TRPM3: variants seen among roughly 807,000 people sequenced by gnomAD.
TRPM3 encodes long transient receptor potential channel 3.
TRPM3 carries 77 observed loss-of-function variants against 181.2 expected under a neutral mutation model. That is an observed-to-expected ratio of 0.42 (90% CI 0.35 to 0.51). The LOEUF (loss-of-function observed/expected upper bound fraction) is 0.51. Ranked by LOEUF, TRPM3 falls within the 20% of genes least tolerant of loss-of-function variation. The probability of loss-of-function intolerance (pLI) is 0.01; values close to 1 mark genes in which losing one functional copy is unlikely to be tolerated. For synonymous variants in TRPM3, 745 were observed against 796.4 expected, an observed-to-expected ratio of 0.94 and a Z score of 1.09; for missense variants, 1,759 against 2,196.7, an observed-to-expected ratio of 0.80 and a Z score of 3.98.
chr9:70,680,102 G>C (rs1213521233), intron 9 of TRPM3, among the ~76,000 whole-genome samples: 1 of 152,206 alleles, frequency 6.6e-6, no homozygotes, highest in South Asian at 2.1e-4. Flanking sequence ...TACACTTGGA[G>C]AGTGGGTGAA....
chr9:71,354,834 ATC>A (rs1171744113), intron 1 of TRPM3, among the ~76,000 whole-genome samples: 4 of 152,212 alleles, frequency 2.6e-5, no homozygotes, highest in African/African-American at 9.6e-5. Context: ...CTTACAACAA[ATC>A]TGTTTCACTT....
intron 22 of TRPM3, chr9:70,579,422 C>A (rs59333800): frequency 6.6e-6 from 1 of 152,232 alleles, no homozygotes; most frequent in African/African-American, 2.4e-5. Flanking sequence ...CTTAACCTCA[C>A]GAGTAGCTGT....
chr9:70,964,064 T>A (rs548223938), intron 1 of TRPM3, among the ~76,000 whole-genome samples: 12 of 152,198 alleles, frequency 7.9e-5, no homozygotes, highest in South Asian at 6.2e-4. Flanking sequence ...ATTTAATGAG[T>A]GATTTCTCAA....
intron 1 of TRPM3, among the ~76,000 whole-genome samples, chr9:71,240,197 T>G (rs2131961003): frequency 6.6e-6 from 1 of 152,324 alleles, no homozygotes; most frequent in East Asian, 1.9e-4. Flanking sequence ...TTTGCACCCA[T>G]GCCAGATTCT....
chr9:71,425,614 C>A (rs1407815939), intron 1 of TRPM3, among the ~76,000 whole-genome samples: 1 of 152,112 alleles, frequency 6.6e-6, no homozygotes, highest in Non-Finnish European at 1.5e-5. Flanking sequence ...TTTTCCCCCA[C>A]AATAACCTCT....
rs542836045 is a variant in TRPM3, at chr9:71,387,015, G to GATGGT, written c.183+59633_183+59637dup. Among the ~76,000 whole-genome samples, 760 of 152,236 alleles carry GATGGT rather than the reference G, an allele frequency of 5.0e-3. 3 individuals are homozygous for GATGGT. Among genetic ancestry groups the GATGGT allele is most frequent in the African/African-American group, 0.015 (628 of 41,538 alleles). ...TCTCAGAGACAGCATTTGCTCAACT[G>GATGGT]ATGGTTCTTACACTTATTAGATAGT... is the stretch of plus-strand genomic sequence containing the variant. On this transcript the variant is annotated intron_variant, in intron 1 of 24. Coordinates refer to the TRPM3 transcript ENST00000357533.
At chr9:71,160,179 T>A (rs1174247813) in intron 1 of TRPM3, among the ~76,000 whole-genome samples, 2 of 152,132 alleles carry the variant, frequency 1.3e-5, no homozygotes, top group Non-Finnish European at 2.9e-5. Flanking sequence ...CCCTAAAATA[T>A]CTTAATGGTT....
At chr9:71,079,130 T>C (rs1208496926) in intron 1 of TRPM3, among the ~76,000 whole-genome samples, 2 of 152,186 alleles carry the variant, frequency 1.3e-5, no homozygotes, top group Non-Finnish European at 2.9e-5. Flanking sequence ...GCGTTGAAGA[T>C]TGTTCTGTTT....
chr9:70,969,795 G>C (rs537625530), intron 1 of TRPM3, among the ~76,000 whole-genome samples: 1 of 116,136 alleles, frequency 8.6e-6, no homozygotes, highest in Non-Finnish European at 2.0e-5. Flanking sequence ...CACACACTAA[G>C]AAATTATATA....
At chr9:71,116,550 G>A (rs2072427100) in intron 1 of TRPM3, among the ~76,000 whole-genome samples, 1 of 152,162 alleles carries the variant, frequency 6.6e-6, no homozygotes, top group Non-Finnish European at 1.5e-5. Context: ...AAGAACATTG[G>A]TTATCATTAT....
chr9:70,759,188 C>A (rs1312551090), intron 8 of TRPM3, among the ~76,000 whole-genome samples: 1 of 152,052 alleles, frequency 6.6e-6, no homozygotes, highest in Non-Finnish European at 1.5e-5. Context: ...AACAGACAAT[C>A]CTCAAAAGAA....
At chr9:70,668,155 G>A (rs912660824) in intron 9 of TRPM3, among the ~76,000 whole-genome samples, 2 of 152,138 alleles carry the variant, frequency 1.3e-5, no homozygotes, top group South Asian at 2.1e-4. Context: ...CTTAACAGTC[G>A]ATCATGGCCA....
At chr9:70,924,349 T>C (rs529395921) in intron 1 of TRPM3, among the ~76,000 whole-genome samples, 1 of 152,302 alleles carries the variant, frequency 6.6e-6, no homozygotes, top group Non-Finnish European at 1.5e-5. Flanking sequence ...TACTTACAAT[T>C]ATATTGTGAA....
rs1241725792 is a variant in TRPM3 at position 71,187,932 on chromosome 9, T to C, written c.183+258721A>G. 3.3e-5 allele frequency among the ~76,000 whole-genome samples: 3 copies of C among 90,724 alleles called. 1 individual carries two copies. The highest frequency in any genetic ancestry group is 7.3e-4 in the South Asian group (2 of 2,748). 59.5% of individuals were successfully genotyped at this position (90,724 alleles called of 152,430 possible). Reference sequence around the variant, plus strand: ...ATAGATAGATAGATAGATAGATAGATAGATAGATAGATAGATAGATCATCG... The same window carrying C: ...ATAGATAGATAGATAGATAGATAGACAGATAGATAGATAGATAGATCATCG... On this transcript the variant is annotated intron_variant, in intron 1 of 24. Coordinates refer to the TRPM3 transcript ENST00000357533.
At chr9:70,924,082 A>G (rs1224304323) in intron 1 of TRPM3, among the ~76,000 whole-genome samples, 1 of 151,834 alleles carries the variant, frequency 6.6e-6, no homozygotes, top group African/African-American at 2.4e-5. Flanking sequence ...CGTCTAGGAC[A>G]TTTGGCAATG....
At chr9:71,372,795 C>A (rs912330694) in intron 1 of TRPM3, among the ~76,000 whole-genome samples, 1 of 152,004 alleles carries the variant, frequency 6.6e-6, no homozygotes, top group African/African-American at 2.4e-5. Flanking sequence ...GGGTCAAGAC[C>A]CATTGGCATG....
intron 1 of TRPM3, among the ~76,000 whole-genome samples, chr9:70,962,064 A>T (rs574491434): frequency 7.9e-5 from 12 of 152,156 alleles, no homozygotes; most frequent in Non-Finnish European, 1.6e-4. Flanking sequence ...AAGGCACTAA[A>T]ATTCTCAAAG....
At chr9:70,845,064 A>G (rs2094896991) in intron 4 of TRPM3, among the ~76,000 whole-genome samples, 1 of 152,138 alleles carries the variant, frequency 6.6e-6, no homozygotes, top group Admixed American at 6.5e-5. Context: ...CTGAGTCAGA[A>G]TTTCACATAA....
chr9:70,785,489 G>A (rs2130873030), intron 6 of TRPM3, among the ~76,000 whole-genome samples: 1 of 152,240 alleles, frequency 6.6e-6, no homozygotes, highest in Non-Finnish European at 1.5e-5. Flanking sequence ...GTCTTAGAGG[G>A]CGCACACAGC....
Sources: gnomAD v4.1 joint callset for allele counts (sites outside exome capture counted in the v4.1 genomes callset) on GRCh38, gnomAD v4.1.1 for gene constraint, MANE v1.5 for transcripts, NCBI Gene and HGNC (gene_info 2026-07-23, HGNC 2026-07-21) for gene names.